The following TAFA5 variants were observed in gnomAD, a reference collection of about 807,000 sequenced individuals.
TAFA5 encodes the protein TAFA chemokine like family member 5.
Under a neutral mutation model 15.3 loss-of-function variants are expected in TAFA5, and 6 were observed. The ratio of observed to expected loss-of-function variants is 0.39; its 90% confidence interval spans 0.21 to 0.77. TAFA5 has a LOEUF of 0.77. TAFA5 is among the 30% of genes least tolerant of loss of function. TAFA5 has a pLI of 0.41. For missense variants in TAFA5, 161 were observed against 193.1 expected (o/e 0.83, Z 0.98); for synonymous variants, 103 against 80.7 (o/e 1.28, Z -1.48).
At chr22:48,531,523 G>T (rs143225114) in intron 1 of TAFA5, among the ~76,000 whole-genome samples, 1 of 152,174 alleles carries the variant, frequency 6.6e-6, no homozygotes, top group Non-Finnish European at 1.5e-5. Flanking sequence ...AGGTGCAGTC[G>T]ACATGTGGGT....
At chr22:48,562,334 T>G (rs1923261309) in intron 1 of TAFA5, among the ~76,000 whole-genome samples, 1 of 152,128 alleles carries the variant, frequency 6.6e-6, no homozygotes. Context: ...GAGACGGGGT[T>G]TCACCGCATT....
chr22:48,510,748 A>T (rs1452540594), intron 1 of TAFA5, among the ~76,000 whole-genome samples: 1 of 152,230 alleles, frequency 6.6e-6, no homozygotes, highest in Admixed American at 6.5e-5. Flanking sequence ...CCCTGGCTTC[A>T]GGAACAACAT....
chr22:48,517,999 G>A lies in TAFA5; in HGVS notation c.112+28295G>A, dbSNP rs970983503. ...ATAGCAGCAGGCTCCGGGGGCCCAG[G>A]CCCCACGTCCTCTCTGAACGCTGGC... On this transcript the variant is annotated intron_variant, in intron 1 of 3. Transcript: ENST00000402357. Among the ~76,000 whole-genome samples, 3 of 152,318 alleles carry A rather than the reference G, an allele frequency of 2.0e-5. No homozygotes were observed. The East Asian group carries it at 5.8e-4, about 30-fold the overall frequency.
At chr22:48,642,434 C>T (rs1471017658) in intron 1 of TAFA5, among the ~76,000 whole-genome samples, 4 of 152,216 alleles carry the variant, frequency 2.6e-5, no homozygotes, top group African/African-American at 9.6e-5. Flanking sequence ...CCCGCCCTCC[C>T]TTCTGAACCC....
chr22:48,738,332 G>T (rs1930088903), intron 3 of TAFA5, among the ~76,000 whole-genome samples: 1 of 152,204 alleles, frequency 6.6e-6, no homozygotes, highest in African/African-American at 2.4e-5. Context: ...GGATTGTGAT[G>T]TCACCAAACC....
At chr22:48,595,239 G>A (rs1287210230) in intron 1 of TAFA5, among the ~76,000 whole-genome samples, 1 of 152,330 alleles carries the variant, frequency 6.6e-6, no homozygotes, top group Non-Finnish European at 1.5e-5. Flanking sequence ...TGGAGCCTGG[G>A]AGGAGGCACC....
chr22:48,543,254 C>T (rs900640835), intron 1 of TAFA5: 6 of 152,162 alleles, frequency 3.9e-5, no homozygotes, highest in Non-Finnish European at 7.4e-5. Flanking sequence ...CGCTCCCCTC[C>T]CCGGGGAAGA....
intron 2 of TAFA5, among the ~76,000 whole-genome samples, chr22:48,678,253 GGGCTCTCTCCCGCC>G: frequency 6.6e-6 from 1 of 152,202 alleles, no homozygotes; most frequent in Non-Finnish European, 1.5e-5. Flanking sequence ...CCCCAGGGAG[GGGCTCTCTCCCGCC>G]GGCTCTGTGC....
chr22:48,638,016 A>G (rs912787471), intron 1 of TAFA5, among the ~76,000 whole-genome samples: 2 of 152,198 alleles, frequency 1.3e-5, no homozygotes, highest in Non-Finnish European at 2.9e-5. Flanking sequence ...CTGAGGACAT[A>G]GTGCAAGGGG....
intron 1 of TAFA5, among the ~76,000 whole-genome samples, chr22:48,620,998 ACTAT>A (rs1287928315): frequency 6.8e-5 from 2 of 29,544 alleles, no homozygotes; most frequent in Non-Finnish European, 6.4e-5. Flanking sequence ...ACCCACCCAC[ACTAT>A]CTATCCACCC....
chr22:48,592,822 T>C (rs28553317), intron 1 of TAFA5, among the ~76,000 whole-genome samples: 46,377 of 152,018 alleles, frequency 0.31, 7,758 homozygotes, highest in African/African-American at 0.45. Context: ...GAGATGCAGG[T>C]GCGGGGAGCA....
chr22:48,500,934 G>A (rs1286075392), intron 1 of TAFA5, among the ~76,000 whole-genome samples: 15 of 152,128 alleles, frequency 9.9e-5, no homozygotes, highest in Admixed American at 4.6e-4. Context: ...TGTCAGGGAC[G>A]CATCTTTGAA....
intron 1 of TAFA5, among the ~76,000 whole-genome samples, chr22:48,494,359 C>T (rs1447823610): frequency 3.9e-5 from 6 of 152,188 alleles, no homozygotes; most frequent in Non-Finnish European, 7.3e-5. Flanking sequence ...TACAGATTGC[C>T]ACCTGTCACC....
chr22:48,542,523 ATGTGTGG>A (rs551399777), intron 1 of TAFA5, among the ~76,000 whole-genome samples: 7,770 of 65,966 alleles, frequency 0.12, 441 homozygotes, highest in African/African-American at 0.17. Context: ...GTGTGTGTGC[ATGTGTGG>A]TGTGTGGTGT....
chr22:48,667,814 G>A lies in TAFA5; in HGVS notation c.262+21068G>A, dbSNP rs1298924166. On this transcript the variant is annotated intron_variant, in intron 2 of 3. Transcript: ENST00000402357. The stretch of plus-strand genomic sequence containing the variant: ...ACTCAGGACCGCGTCTTCACCGGGA[G>A]CGTTAATCCCCCAGCACTCAGGGCC... 2.3e-3 allele frequency among the ~76,000 whole-genome samples: 116 copies of A among 49,460 alleles called. No homozygotes were observed. In the East Asian group the frequency reaches 0.025, roughly 11 times the overall value. 32.4% of individuals were successfully genotyped at this position (49,460 alleles called of 152,430 possible).
chr22:48,511,559 C>G (rs897362055), intron 1 of TAFA5, among the ~76,000 whole-genome samples: 1 of 152,216 alleles, frequency 6.6e-6, no homozygotes, highest in South Asian at 2.1e-4. Flanking sequence ...ACAAGAGGCC[C>G]TCGCCCAGGT....
chr22:48,540,842 G>A (rs1255532447), intron 1 of TAFA5, among the ~76,000 whole-genome samples: 2 of 142,664 alleles, frequency 1.4e-5, no homozygotes, highest in Non-Finnish European at 3.0e-5. Flanking sequence ...GTTTGTTTTT[G>A]TGTTTGCCTG....
In TAFA5 at chr22:48,693,840, C is replaced by A. The variant is rs146825775; in HGVS notation, c.263-13877C>A. 5.1e-4 allele frequency among the ~76,000 whole-genome samples: 77 copies of A among 152,328 alleles called. No individual in the cohort carries two copies. The East Asian group carries it at 0.01, about 20-fold the overall frequency. On this transcript the variant is annotated intron_variant, in intron 2 of 3. Transcript: ENST00000402357. ...GTGTGGTCAGCCATGGCCACCTATACCCATCTTACTGACTATGCCATCTCA... is the reference window on the plus strand; with the variant it reads ...GTGTGGTCAGCCATGGCCACCTATAACCATCTTACTGACTATGCCATCTCA...
intron 3 of TAFA5, among the ~76,000 whole-genome samples, chr22:48,721,405 T>C (rs1230176563): frequency 2.6e-5 from 4 of 152,188 alleles, no homozygotes; most frequent in Admixed American, 6.5e-5. Context: ...CCGTCCACTG[T>C]GTGTGATCTC....
Sources: allele counts gnomAD v4.1 joint callset (sites outside exome capture counted in the v4.1 genomes callset), GRCh38; gene constraint gnomAD v4.1.1; transcripts MANE v1.5; gene names NCBI Gene and HGNC (gene_info 2026-07-23, HGNC 2026-07-21).